The following PCDH9 variants were observed in gnomAD, a reference collection of about 807,000 sequenced individuals.
The protein encoded by PCDH9 is protocadherin 9, also known as protocadherin-9.
In PCDH9, 24 loss-of-function variants were observed where a neutral mutation model predicts 70.6. The ratio of observed to expected loss-of-function variants is 0.34; its 90% CI spans 0.25 to 0.48. PCDH9 has a LOEUF of 0.48. Among genes scored for constraint, PCDH9 ranks in the 20% least tolerant of loss-of-function variants. The pLI, the probability that PCDH9 is intolerant of heterozygous loss-of-function variation, is 0.99. For missense variants in PCDH9, 1,281 were observed against 1,503.6 expected (o/e 0.85, Z 2.45); for synonymous variants, 562 against 558.5 (o/e 1.01, Z -0.09).
intron 3 of PCDH9, among the ~76,000 whole-genome samples, chr13:66,833,611 CA>C (rs2080965255): frequency 6.6e-6 from 1 of 152,116 alleles, no homozygotes; most frequent in South Asian, 2.1e-4. Flanking sequence ...ATTATATTTA[CA>C]AGGGCATGTG....
intron 2 of PCDH9, among the ~76,000 whole-genome samples, chr13:67,121,705 G>A (rs988033117): frequency 9.2e-5 from 14 of 152,156 alleles, no homozygotes; most frequent in African/African-American, 3.4e-4. Context: ...CAATGGCTAT[G>A]TCTGTAAGAA....
intron 2 of PCDH9, among the ~76,000 whole-genome samples, chr13:67,027,332 T>C (rs2084804887): frequency 6.6e-6 from 1 of 152,158 alleles, no homozygotes; most frequent in Non-Finnish European, 1.5e-5. Context: ...CCCTATTTAA[T>C]AAATGGTGCC....
chr13:67,042,709 G>A (rs1302510596), intron 2 of PCDH9, among the ~76,000 whole-genome samples: 1 of 152,088 alleles, frequency 6.6e-6, no homozygotes, highest in Non-Finnish European at 1.5e-5. Context: ...CAGGCACAAT[G>A]GGAATAACAG....
At chr13:66,592,941 T>C (rs2077055868) in intron 4 of PCDH9, among the ~76,000 whole-genome samples, 2 of 151,764 alleles carry the variant, frequency 1.3e-5, no homozygotes, top group Admixed American at 1.3e-4. Flanking sequence ...GTTGATTTTC[T>C]ATGATCTTAA....
At chr13:66,455,894 G>T (rs1417056190) in intron 4 of PCDH9, among the ~76,000 whole-genome samples, 1 of 152,048 alleles carries the variant, frequency 6.6e-6, no homozygotes, top group East Asian at 1.9e-4. Context: ...CAATATTTTA[G>T]TCTAAAGGTA....
At chr13:66,501,170 C>T (rs1045064100) in intron 4 of PCDH9, among the ~76,000 whole-genome samples, 15 of 151,996 alleles carry the variant, frequency 9.9e-5, no homozygotes, top group African/African-American at 3.1e-4. Flanking sequence ...ATAATAAATG[C>T]ACATCCTTAT....
At chr13:66,769,991 G>A (rs145259772) in intron 3 of PCDH9, among the ~76,000 whole-genome samples, 238 of 152,198 alleles carry the variant, frequency 1.6e-3, no homozygotes, top group Middle Eastern at 0.01. Context: ...TCAAAATCTT[G>A]TGCTTCTGCA....
intron 3 of PCDH9, among the ~76,000 whole-genome samples, chr13:66,708,369 C>T (rs1026656215): frequency 6.6e-6 from 1 of 150,438 alleles, no homozygotes; most frequent in Non-Finnish European, 1.5e-5. Flanking sequence ...CTTTTATATT[C>T]ATTCTTAAAC....
intron 4 of PCDH9, among the ~76,000 whole-genome samples, chr13:66,437,404 CAAAAAAAAA>C (rs66796123): frequency 4.4e-5 from 2 of 45,586 alleles, no homozygotes; most frequent in East Asian, 5.8e-4. Context: ...GACTCTGTCT[CAAAAAAAAA>C]AAAAAAAAAA....
chr13:66,793,146 T>A (rs2080188003), intron 3 of PCDH9, among the ~76,000 whole-genome samples: 1 of 151,790 alleles, frequency 6.6e-6, no homozygotes, highest in South Asian at 2.1e-4. Flanking sequence ...TATAAATATA[T>A]AATGCATTCT....
intron 2 of PCDH9, among the ~76,000 whole-genome samples, chr13:67,126,086 T>C (rs900448127): frequency 6.6e-6 from 1 of 152,156 alleles, no homozygotes; most frequent in Non-Finnish European, 1.5e-5. Context: ...AATAAACAAG[T>C]AACATCATAT....
chr13:66,818,981 G>T (rs1035865647), intron 3 of PCDH9, among the ~76,000 whole-genome samples: 2 of 151,944 alleles, frequency 1.3e-5, no homozygotes, highest in Admixed American at 6.6e-5. Context: ...AAGGTGTGAT[G>T]ATTTATTTCA....
chr13:67,084,426 T>C (rs1032285261), intron 2 of PCDH9, among the ~76,000 whole-genome samples: 7 of 152,148 alleles, frequency 4.6e-5, no homozygotes, highest in Non-Finnish European at 8.8e-5. Context: ...AATCAGAAAC[T>C]CTTTGAATCT....
chr13:66,788,273 G>A (rs2080110085), intron 3 of PCDH9, among the ~76,000 whole-genome samples: 1 of 152,072 alleles, frequency 6.6e-6, no homozygotes, highest in African/African-American at 2.4e-5. Context: ...TGGCAGCAGA[G>A]CCCTCATCAA....
At chr13:66,356,371 A>G (rs1956382364) in intron 4 of PCDH9, among the ~76,000 whole-genome samples, 1 of 152,124 alleles carries the variant, frequency 6.6e-6, no homozygotes, top group Non-Finnish European at 1.5e-5. Flanking sequence ...CAAAATCATC[A>G]GCTTCTATAA....
At chr13:66,780,567 A>C (rs191975448) in intron 3 of PCDH9, among the ~76,000 whole-genome samples, 2 of 152,268 alleles carry the variant, frequency 1.3e-5, no homozygotes, top group Admixed American at 1.3e-4. Context: ...TTCAGTCAAC[A>C]GCAATTTTTT....
chr13:66,616,461 A>G (rs1408717017), intron 4 of PCDH9, among the ~76,000 whole-genome samples: 5 of 139,322 alleles, frequency 3.6e-5, no homozygotes, highest in African/African-American at 7.9e-5. Flanking sequence ...CTTATCATAC[A>G]TTCGTCATTA....
intron 3 of PCDH9, among the ~76,000 whole-genome samples, chr13:66,741,932 G>C (rs2079270313): frequency 6.7e-6 from 1 of 150,230 alleles, no homozygotes; most frequent in Non-Finnish European, 1.5e-5. Context: ...GTAATTTATA[G>C]AGTCAATGCC....
intron 4 of PCDH9, among the ~76,000 whole-genome samples, chr13:66,311,979 C>T (rs959807711): frequency 1.3e-5 from 2 of 152,068 alleles, no homozygotes; most frequent in African/African-American, 4.8e-5. Flanking sequence ...TCAATAATTT[C>T]TGATTTAGTT....
Sources: allele counts gnomAD v4.1 joint callset (sites outside exome capture counted in the v4.1 genomes callset), GRCh38; gene constraint gnomAD v4.1.1; transcripts MANE v1.5; gene names NCBI Gene and HGNC (gene_info 2026-07-23, HGNC 2026-07-21).